The following STARD10 variants were observed in gnomAD, a reference collection of about 807,000 sequenced individuals.
The protein encoded by STARD10 is StAR related lipid transfer domain containing 10, also known as START domain-containing protein 10.
Under a neutral mutation model 36.0 loss-of-function variants are expected in STARD10, and 24 were observed. The ratio of observed to expected loss-of-function variants is 0.67; its 90% confidence interval spans 0.48 to 0.94. STARD10 has a LOEUF of 0.94. Ranked by LOEUF, STARD10 falls within the 40% of genes least tolerant of loss-of-function variation. The probability of loss-of-function intolerance (pLI) is 0.00; values close to 1 mark genes in which losing one functional copy is unlikely to be tolerated. For missense variants in STARD10, 335 were observed against 396.6 expected (o/e 0.84, Z 1.32); for synonymous variants, 156 against 161.9 (o/e 0.96, Z 0.28).
chr11:72,760,288 G>T (rs554941), intron 2 of STARD10, among the ~76,000 whole-genome samples: 3,817 of 152,024 alleles, frequency 0.025, 145 homozygotes, highest in African/African-American at 0.088. Flanking sequence ...GTACAGTGGC[G>T]TGATCTCGGC....
At chr11:72,783,620 C>A (rs1374179267) in intron 1 of STARD10, 1 of 153,124 alleles carries the variant, frequency 6.5e-6, no homozygotes, top group Non-Finnish European at 1.5e-5. Context: ...AGAGCCAAAG[C>A]CTGCTTTGCT....
At chr11:72,764,298 C>A (rs1858757207) in intron 2 of STARD10, among the ~76,000 whole-genome samples, 1 of 152,220 alleles carries the variant, frequency 6.6e-6, no homozygotes, top group African/African-American at 2.4e-5. Context: ...GTTGAGGCTC[C>A]AGAGGCCAAA....
intron 2 of STARD10, among the ~76,000 whole-genome samples, chr11:72,775,337 C>T (rs1293175910): frequency 1.3e-5 from 2 of 152,184 alleles, no homozygotes; most frequent in African/African-American, 2.4e-5. Flanking sequence ...GCCCTCTTAC[C>T]AGTCTCCCTG....
intron 1 of STARD10, among the ~76,000 whole-genome samples, chr11:72,791,377 C>T (rs372117103): frequency 8.6e-4 from 131 of 152,220 alleles, no homozygotes; most frequent in African/African-American, 3.1e-3. Context: ...TGTCGTAGTC[C>T]AGTTCTACCC....
intron 1 of STARD10, among the ~76,000 whole-genome samples, chr11:72,791,154 C>A (rs1189641443): frequency 6.6e-6 from 1 of 152,080 alleles, no homozygotes; most frequent in Non-Finnish European, 1.5e-5. Context: ...CTTAGCATCC[C>A]CACTTTACAG....
At chr11:72,770,007 T>A (rs991298211) in intron 2 of STARD10, among the ~76,000 whole-genome samples, 6 of 152,134 alleles carry the variant, frequency 3.9e-5, no homozygotes, top group African/African-American at 1.2e-4. Flanking sequence ...CAGAGCAAGA[T>A]TAAATAAACA....
chr11:72,769,533 G>A (rs1858831730), intron 2 of STARD10, among the ~76,000 whole-genome samples: 1 of 152,158 alleles, frequency 6.6e-6, no homozygotes, highest in African/African-American at 2.4e-5. Context: ...TTGTAGAGAT[G>A]GGGTTTTGTC....
chr11:72,785,646 G>A (rs574257868), intron 1 of STARD10, among the ~76,000 whole-genome samples: 11 of 147,982 alleles, frequency 7.4e-5, no homozygotes, highest in South Asian at 2.2e-4. Context: ...CTCCCACCCC[G>A]TATTACATAC....
At chr11:72,775,113 T>A (rs540770278) in intron 2 of STARD10, among the ~76,000 whole-genome samples, 31 of 152,232 alleles carry the variant, frequency 2.0e-4, no homozygotes, top group African/African-American at 7.5e-4. Context: ...GCAGGCCCCA[T>A]CCATGTACAG....
intron 2 of STARD10, among the ~76,000 whole-genome samples, chr11:72,763,037 T>C (rs922132412): frequency 2.6e-5 from 4 of 152,166 alleles, no homozygotes; most frequent in African/African-American, 9.7e-5. Context: ...CGGAACCAGC[T>C]TGAAGGGCTC....
chr11:72,755,127 ACATCTTCTT>A lies in STARD10; in HGVS notation c.637_645del (p.Lys213_Met215del). 6.2e-7 allele frequency: 1 copy of A among 1,612,692 alleles called. No homozygotes were observed. On this transcript the variant is annotated inframe_deletion, in exon 7 of 7. Coordinates refer to ENST00000334805, the MANE Select transcript of STARD10 (RefSeq NM_006645.3). ...TCGGGGTACTTGAGGCACGCCTTGT[ACATCTTCTT>A]CATGGCCTGTGGGCCCGCCGCCCCG...
rs768826338 is a variant in STARD10 at position 72,759,324 on chromosome 11, TGTC to T, written c.262_264del (p.Asp88del). 1.2e-6 allele frequency: 2 copies of T among 1,614,046 alleles called. No homozygotes were observed. Among genetic ancestry groups the T allele is most frequent in the Non-Finnish European group, 1.7e-6 (2 of 1,180,036 alleles). On this transcript the variant is annotated inframe_deletion, in exon 3 of 7. Coordinates refer to ENST00000334805, the MANE Select transcript of STARD10 (RefSeq NM_006645.3). ...CTGTCCCATTTCTTGCGGTACTCAA[TGTC>T]GTGTAGGACGTCGTAGAGTGTCTCG...
chr11:72,769,054 T>C (rs1858827103), intron 2 of STARD10, among the ~76,000 whole-genome samples: 1 of 151,582 alleles, frequency 6.6e-6, no homozygotes, highest in Non-Finnish European at 1.5e-5. Flanking sequence ...ACAACTACTA[T>C]TACTACTTCC....
At position 72,781,864 on chromosome 11, in the gene STARD10, C is replaced by A. The variant is rs1176545820; in HGVS notation, c.-113-570G>T. On this transcript the variant is annotated intron_variant, in intron 1 of 6. Transcript: ENST00000334805. This position sits in a 1 kb window ranked among gnomAD's most constrained non-coding sequence, Gnocchi z 4.7. ...CGGGGGCTCGGGGGCTCGGCGGCCG[C>A]GGCTCGGGATTTTCCAGGCTGCGGA... is the stretch of plus-strand genomic sequence containing the variant. 1.3e-5 allele frequency: 2 copies of A among 150,144 alleles called. No individual in the cohort carries two copies. Among genetic ancestry groups the A allele is most frequent in the Admixed American group, 6.6e-5 (1 of 15,156 alleles). The allele number at this position is 150,144 out of a possible 1,614,324, so 9.3% of individuals were successfully genotyped here. A position where few individuals can be genotyped will look rare whatever the true frequency, so the allele number is the denominator to read the frequency against.
At chr11:72,761,370 T>C (rs1360395332) in intron 2 of STARD10, among the ~76,000 whole-genome samples, 1 of 152,180 alleles carries the variant, frequency 6.6e-6, no homozygotes, top group East Asian at 1.9e-4. Flanking sequence ...AAGGGGATTT[T>C]TGGGACAACT....
At chr11:72,776,687 G>T (rs907570390) in intron 2 of STARD10, among the ~76,000 whole-genome samples, 4 of 152,076 alleles carry the variant, frequency 2.6e-5, no homozygotes, top group African/African-American at 9.7e-5. Context: ...TGGGATTAAG[G>T]AGACCTGTCC....
chr11:72,758,451 G>A (rs1333322348), intron 4 of STARD10, 79 bp downstream of exon 4: 2 of 1,155,886 alleles, frequency 1.7e-6, no homozygotes, highest in African/African-American at 3.0e-5. Flanking sequence ...AAGTCATATT[G>A]AAGTCATGGT....
At chr11:72,755,417 T>A (rs1476200560) in intron 6 of STARD10, 1 of 566,182 alleles carries the variant, frequency 1.8e-6, no homozygotes, top group Non-Finnish European at 3.1e-6. Flanking sequence ...TTCAAGTGAT[T>A]CTCCTGCCTT....
chr11:72,780,675 C>A (rs1045323900), intron 2 of STARD10: 2 of 465,312 alleles, frequency 4.3e-6, no homozygotes, highest in African/African-American at 2.0e-5. Flanking sequence ...CTGAGGGAGA[C>A]CACTCTCCTA....
Sources: allele counts gnomAD v4.1 joint callset (sites outside exome capture counted in the v4.1 genomes callset), GRCh38; gene constraint gnomAD v4.1.1; non-coding constraint Gnocchi (gnomAD v3.1); transcripts MANE v1.5; gene names NCBI Gene and HGNC (gene_info 2026-07-23, HGNC 2026-07-21).